The following MDGA2 variants were observed in gnomAD, a reference collection of about 807,000 sequenced individuals.
MDGA2 encodes the protein MAM domain containing glycosylphosphatidylinositol anchor 2.
A neutral mutation model predicts 117.8 loss-of-function variants in MDGA2; 40 were observed. The ratio of observed to expected loss-of-function variants is 0.34; its 90% CI spans 0.26 to 0.44. The LOEUF is 0.44. Ranked by LOEUF, MDGA2 falls within the 20% of genes least tolerant of loss-of-function variation. The probability of loss-of-function intolerance (pLI) is 1.00; values close to 1 mark genes in which losing one functional copy is unlikely to be tolerated. For missense variants in MDGA2, 1,123 were observed against 1,250.6 expected, an observed-to-expected ratio of 0.90 and a Z score of 1.54; for synonymous variants, 452 against 439.0, an observed-to-expected ratio of 1.03 and a Z score of -0.37.
chr14:47,360,386 T>TAAATAAATAAATA (rs781144826), intron 1 of MDGA2, among the ~76,000 whole-genome samples: 7 of 125,598 alleles, frequency 5.6e-5, no homozygotes, highest in Non-Finnish European at 1.1e-4. Flanking sequence ...AATAAATAAA[T>TAAATAAATAAATA]AAATAAAATA....
chr14:46,921,628 A>G (rs1400477488), intron 9 of MDGA2, among the ~76,000 whole-genome samples: 1 of 151,904 alleles, frequency 6.6e-6, no homozygotes, highest in East Asian at 1.9e-4. Flanking sequence ...AAAAAAAAAA[A>G]AGAAAAGAAA....
Position 47,053,633 on chromosome 14 carries a change from A to G in MDGA2, c.1525+7616T>C, listed in dbSNP as rs1282354949. Reference sequence around the variant, plus strand: ...TATATATATATATATATATATATATATATATATATATATATATATATACAC... The same window carrying G: ...TATATATATATATATATATATATATGTATATATATATATATATATATACAC... On this transcript the variant is annotated intron_variant, in intron 7 of 16. Transcript: ENST00000399232. 3.4e-3 allele frequency among the ~76,000 whole-genome samples: 314 copies of G among 93,426 alleles called. 8 individuals are homozygous for G. The highest frequency in any genetic ancestry group is 5.0e-3 in the Non-Finnish European group (225 of 44,592). 61.3% of individuals were successfully genotyped at this position (93,426 alleles called of 152,430 possible). A position where few individuals can be genotyped will look rare whatever the true frequency, so the allele number is the denominator to read the frequency against.
chr14:47,378,734 C>T (rs1164657726), intron 1 of MDGA2, among the ~76,000 whole-genome samples: 7 of 152,168 alleles, frequency 4.6e-5, no homozygotes, highest in African/African-American at 7.2e-5. Context: ...ACCAAATCTA[C>T]GTCTGATTGG....
intron 3 of MDGA2, among the ~76,000 whole-genome samples, chr14:47,145,143 T>A (rs1377715257): frequency 6.6e-6 from 1 of 152,148 alleles, no homozygotes; most frequent in Non-Finnish European, 1.5e-5. Flanking sequence ...TAAAAGGCAC[T>A]CCTGTTTCTA....
chr14:47,309,679 G>C (rs1174878359), intron 1 of MDGA2, among the ~76,000 whole-genome samples: 2 of 151,916 alleles, frequency 1.3e-5, no homozygotes, highest in East Asian at 3.9e-4. Flanking sequence ...TAATTTTTTA[G>C]GTTGATGTTA....
intron 1 of MDGA2, among the ~76,000 whole-genome samples, chr14:47,635,115 A>T (rs1042657660): frequency 6.6e-6 from 1 of 152,060 alleles, no homozygotes; most frequent in African/African-American, 2.4e-5. Flanking sequence ...GCAGGTGGTA[A>T]ACAATATTTA....
chr14:47,654,155 A>T (rs1018240920), intron 1 of MDGA2, among the ~76,000 whole-genome samples: 1 of 152,188 alleles, frequency 6.6e-6, no homozygotes, highest in African/African-American at 2.4e-5. Flanking sequence ...TCAGGTACAG[A>T]ACTTAATTAT....
intron 9 of MDGA2, among the ~76,000 whole-genome samples, chr14:46,935,034 A>G (rs187434561): frequency 5.3e-5 from 8 of 150,746 alleles, no homozygotes; most frequent in East Asian, 1.9e-4. Flanking sequence ...TCAGAATTTA[A>G]AAAAAAAAAG....
intron 6 of MDGA2, among the ~76,000 whole-genome samples, chr14:47,082,504 C>T (rs1050392151): frequency 6.6e-6 from 1 of 151,982 alleles, no homozygotes; most frequent in Non-Finnish European, 1.5e-5. Context: ...GGGCAAATAG[C>T]AGACAAATAC....
At chr14:47,155,223 C>T (rs1174873987) in intron 3 of MDGA2, among the ~76,000 whole-genome samples, 1 of 152,090 alleles carries the variant, frequency 6.6e-6, no homozygotes, top group African/African-American at 2.4e-5. Flanking sequence ...TTGCTCACGC[C>T]TGTAGTTGTC....
At chr14:47,246,468 C>T (rs1194156782) in intron 2 of MDGA2, among the ~76,000 whole-genome samples, 1 of 151,648 alleles carries the variant, frequency 6.6e-6, no homozygotes, top group East Asian at 1.9e-4. Context: ...ACTCAAAATG[C>T]TCGTGTATTA....
chr14:47,035,066 T>C lies in MDGA2; in HGVS notation c.1764A>G (p.Gln588=), dbSNP rs1282524128. ...TTGGTTTCACGTTAAATCCATTGTA[T>C]TGGCTGGTCTGACATCTGTACATTC... ...MSGMYRCQTS[Q]YNGFNVKPRE... The change falls in exon 8 of 17, where the codon CAA becomes CAG. Residue 588 remains glutamine (Q), a synonymous_variant. Coordinates refer to ENST00000399232, the MANE Select transcript of MDGA2 (RefSeq NM_001113498.3). 2 of 1,614,032 alleles carry C rather than the reference T, an allele frequency of 1.2e-6. No homozygotes were observed. Among genetic ancestry groups the C allele is most frequent in the African/African-American group, 1.3e-5 (1 of 74,926 alleles).
At chr14:46,865,587 G>T (rs1215728402) in intron 14 of MDGA2, among the ~76,000 whole-genome samples, 1 of 152,038 alleles carries the variant, frequency 6.6e-6, no homozygotes, top group Non-Finnish European at 1.5e-5. Context: ...ATTAGGAAAA[G>T]AGGAAGTCAA....
intron 1 of MDGA2, among the ~76,000 whole-genome samples, chr14:47,418,244 C>A (rs1204908381): frequency 6.6e-6 from 1 of 152,018 alleles, no homozygotes; most frequent in Admixed American, 6.6e-5. Flanking sequence ...TGCCACCACA[C>A]CCAGCTAATT....
intron 1 of MDGA2, among the ~76,000 whole-genome samples, chr14:47,489,163 C>T (rs1331678753): frequency 6.6e-6 from 1 of 151,380 alleles, no homozygotes; most frequent in Non-Finnish European, 1.5e-5. Context: ...ATTTAATAAA[C>T]ATATAAATGG....
At chr14:47,314,024 T>C (rs1015462082) in intron 1 of MDGA2, among the ~76,000 whole-genome samples, 5 of 152,102 alleles carry the variant, frequency 3.3e-5, no homozygotes, top group African/African-American at 1.2e-4. Context: ...TGGAAAAATA[T>C]TGACATTATT....
chr14:47,529,696 A>G (rs943331984), intron 1 of MDGA2, among the ~76,000 whole-genome samples: 2 of 152,208 alleles, frequency 1.3e-5, no homozygotes, highest in South Asian at 4.1e-4. Flanking sequence ...ATTTCATGAA[A>G]CATACTGAGA....
At chr14:47,505,279 G>T (rs1164677314) in intron 1 of MDGA2, among the ~76,000 whole-genome samples, 1 of 152,106 alleles carries the variant, frequency 6.6e-6, no homozygotes, top group Non-Finnish European at 1.5e-5. Context: ...AAATTCTGGT[G>T]TTTTATTGCA....
At chr14:47,647,371 C>T (rs2138261001) in intron 1 of MDGA2, among the ~76,000 whole-genome samples, 1 of 151,968 alleles carries the variant, frequency 6.6e-6, no homozygotes, top group African/African-American at 2.4e-5. Flanking sequence ...TAATGTCATC[C>T]TTGGGATGAC....
Sources: allele counts gnomAD v4.1 joint callset (sites outside exome capture counted in the v4.1 genomes callset), GRCh38; gene constraint gnomAD v4.1.1; transcripts MANE v1.5; gene names NCBI Gene and HGNC (gene_info 2026-07-23, HGNC 2026-07-21).